FLT3: variants seen among roughly 807,000 people sequenced by gnomAD.
FLT3 encodes the protein receptor-type tyrosine-protein kinase FLT3.
FLT3 carries 46 observed loss-of-function variants against 126.6 expected under a neutral mutation model. The ratio of observed to expected loss-of-function variants is 0.36; its 90% CI spans 0.29 to 0.46. The LOEUF is 0.46. Among genes scored for constraint, FLT3 ranks in the 20% least tolerant of loss-of-function variants. The pLI, the probability that FLT3 is intolerant of heterozygous loss-of-function variation, is 1.00. For synonymous variants in FLT3, 404 were observed against 434.4 expected (o/e 0.93, Z 0.87); for missense variants, 1,069 against 1,190.3 (o/e 0.90, Z 1.50).
At chr13:28,045,616 T>G (rs1422627312) in intron 9 of FLT3, among the ~76,000 whole-genome samples, 1 of 152,068 alleles carries the variant, frequency 6.6e-6, no homozygotes, top group African/African-American at 2.4e-5. Context: ...TCCCAGCACT[T>G]TGGGAGGCTG....
chr13:28,028,830 G>A (rs1296628966), intron 15 of FLT3, among the ~76,000 whole-genome samples: 1 of 136,594 alleles, frequency 7.3e-6, no homozygotes, highest in Non-Finnish European at 1.5e-5. Context: ...CACCCAGGCT[G>A]GAGTGTAGTG....
At chr13:28,081,839 T>C (rs1878335287) in intron 1 of FLT3, among the ~76,000 whole-genome samples, 1 of 145,502 alleles carries the variant, frequency 6.9e-6, no homozygotes, top group African/African-American at 2.5e-5. Flanking sequence ...TTTTTTACTT[T>C]GATTCTTTTT....
rs976218231 is a variant in FLT3 at position 28,027,160 on chromosome 13, C to A, written c.2135G>T (p.Arg712Met). ...YLRSKREKFH[R>M]TWTEIFKEHN... ...TTCCTTGAAAATCTCTGTCCAAGTC[C>A]TGTGAAATTTTTCTCTTTTACTTCT... Residue 712 changes from arginine (R) to methionine (M), a missense_variant, in exon 17 of 24, where the codon AGG becomes ATG. Physicochemically the swap from Arg to Met is moderately conservative, Grantham distance 91. Transcript: ENST00000241453. The A allele has an allele frequency of 6.2e-7, 1 of 1,613,284 alleles. No homozygotes were observed. Among genetic ancestry groups the A allele is most frequent in the Admixed American group, 1.7e-5 (1 of 59,994 alleles).
intron 1 of FLT3, among the ~76,000 whole-genome samples, chr13:28,086,638 G>GTA (rs1385514834): frequency 6.6e-6 from 1 of 151,072 alleles, no homozygotes; most frequent in Non-Finnish European, 1.5e-5. Context: ...GTGTGTGTGT[G>GTA]TGTGTGTGTG....
At chr13:28,036,691 T>C (rs1421359311) in intron 10 of FLT3, among the ~76,000 whole-genome samples, 2 of 152,296 alleles carry the variant, frequency 1.3e-5, no homozygotes, top group South Asian at 2.1e-4. Context: ...CAGAAAGAGA[T>C]ATATGGCCAG....
At chr13:28,007,626 TA>T (rs1331539867) in intron 23 of FLT3, among the ~76,000 whole-genome samples, 1 of 152,210 alleles carries the variant, frequency 6.6e-6, no homozygotes, top group Non-Finnish European at 1.5e-5. Flanking sequence ...ACAATATTAA[TA>T]TACAGTATAG....
Position 28,070,591 on chromosome 13 carries a change from A to C in FLT3, c.65T>G (p.Phe22Cys), listed in dbSNP as rs1334799394. ...CAGATCTTGATTTGTAATAGTCCCA[A>C]ATATCATTGCAGAAAAAACAACTGT... ...PLLVVFSAMI[F>C]GTITNQDLPV... Residue 22 changes from phenylalanine (F) to cysteine (C), a missense_variant, in exon 2 of 24, where the codon TTT becomes TGT. Phe to Cys is a radical substitution (Grantham distance 205). Transcript: ENST00000241453. 1.2e-6 allele frequency: 2 copies of C among 1,602,808 alleles called. No homozygotes were observed. Among genetic ancestry groups the C allele is most frequent in the Non-Finnish European group, 1.7e-6 (2 of 1,171,156 alleles).
chr13:28,034,512 C>A (rs1873656074), intron 12 of FLT3, 105 bp from the exon 13 acceptor site: 3 of 812,840 alleles, frequency 3.7e-6, no homozygotes, highest in Non-Finnish European at 6.1e-6. Flanking sequence ...CAGTAATAAT[C>A]ATTTTCAGTC....
intron 15 of FLT3, among the ~76,000 whole-genome samples, chr13:28,033,236 G>A (rs868817785): frequency 2.3e-5 from 3 of 133,270 alleles, no homozygotes; most frequent in South Asian, 2.1e-4. Context: ...AGGAGGTCGA[G>A]GCTGCAGTGA....
At chr13:28,088,584 C>CCCT (rs1555262825) in intron 1 of FLT3, among the ~76,000 whole-genome samples, 1 of 103,360 alleles carries the variant, frequency 9.7e-6, no homozygotes, top group Non-Finnish European at 1.8e-5. Context: ...CATCCAAAAC[C>CCCT]TTTTTTTTTT....
At chr13:28,052,376 G>A (rs1233333645) in intron 5 of FLT3, among the ~76,000 whole-genome samples, 169 bp downstream of exon 5, 2 of 152,162 alleles carry the variant, frequency 1.3e-5, no homozygotes, top group Non-Finnish European at 2.9e-5. Flanking sequence ...GATTACAGGC[G>A]TGAGCCACTT....
chr13:28,061,530 C>T (rs1052968244), intron 3 of FLT3, among the ~76,000 whole-genome samples: 8 of 152,054 alleles, frequency 5.3e-5, no homozygotes, highest in African/African-American at 1.4e-4. Context: ...CTTTTGAAGG[C>T]TGAGGTGGGT....
At chr13:28,092,945 AGGGT>A (rs1879215707) in intron 1 of FLT3, among the ~76,000 whole-genome samples, 2 of 127,214 alleles carry the variant, frequency 1.6e-5, no homozygotes, top group African/African-American at 6.2e-5. Flanking sequence ...TTTTTGAGAC[AGGGT>A]CTCGCTCTGT....
chr13:28,056,637 C>T (rs892946094), intron 4 of FLT3, among the ~76,000 whole-genome samples: 2 of 152,200 alleles, frequency 1.3e-5, no homozygotes, highest in African/African-American at 4.8e-5. Context: ...ACAGCTGCCT[C>T]CCTTGGTCAG....
intron 1 of FLT3, among the ~76,000 whole-genome samples, chr13:28,086,761 C>A (rs1878703220): frequency 6.6e-6 from 1 of 152,010 alleles, no homozygotes; most frequent in Admixed American, 6.6e-5. Flanking sequence ...ATACTTCTGC[C>A]TCAGCCTCCC....
chr13:28,034,348 G>A lies in FLT3; in HGVS notation c.1657C>T (p.Leu553Phe). Reference sequence around the variant, plus strand: ...AGCAGGGTTAAAACGACAATGAAGAGGAGACAAACACCAATTGTTGCATAG... The same window carrying A: ...AGCAGGGTTAAAACGACAATGAAGAAGAGACAAACACCAATTGTTGCATAG... ...SFYATIGVCLLFIVVLTLLIC... is the reference protein window; with the variant it reads ...SFYATIGVCLFFIVVLTLLIC... Residue 553 changes from leucine (L) to phenylalanine (F), a missense_variant, in exon 13 of 24, where the codon CTC (leucine) becomes TTC (phenylalanine). Leu to Phe is a conservative substitution (Grantham distance 22, BLOSUM62 0). Coordinates refer to ENST00000241453, the MANE Select transcript of FLT3 (RefSeq NM_004119.3). The A allele has an allele frequency of 6.2e-7, 1 of 1,614,086 alleles. No homozygotes were observed. The highest frequency in any genetic ancestry group is 8.5e-7 in the Non-Finnish European group (1 of 1,179,978).
At chr13:28,032,636 G>C (rs980531061) in intron 15 of FLT3, among the ~76,000 whole-genome samples, 1 of 151,998 alleles carries the variant, frequency 6.6e-6, no homozygotes, top group African/African-American at 2.4e-5. Context: ...ACAAAAGCTG[G>C]ATGGAAGAAG....
intron 23 of FLT3, among the ~76,000 whole-genome samples, chr13:28,007,269 CAG>C (rs1870989031): frequency 6.6e-6 from 1 of 152,060 alleles, no homozygotes; most frequent in African/African-American, 2.4e-5. Context: ...TTTTTCAAGA[CAG>C]GGTCTCGCTC....
In FLT3 at chr13:28,021,458, G is replaced by T. The variant is rs575847743; in HGVS notation, c.2418+1892C>A. On this transcript the variant is annotated intron_variant, in intron 19 of 23. Coordinates refer to ENST00000241453, the MANE Select transcript of FLT3 (RefSeq NM_004119.3). ...ATAAGTGAAATAGAGAAAGACTCAG[G>T]TGGGCAAGATGCGCGAGCAAGAAGA... Among the ~76,000 whole-genome samples the T allele has an allele frequency of 9.8e-4, 149 of 152,296 alleles. 2 individuals are homozygous for T. The highest frequency in any genetic ancestry group is 2.8e-3 in the Admixed American group (43 of 15,288).
Sources: allele counts gnomAD v4.1 joint callset (sites outside exome capture counted in the v4.1 genomes callset), GRCh38; gene constraint gnomAD v4.1.1; transcripts MANE v1.5; gene names NCBI Gene and HGNC (gene_info 2026-07-23, HGNC 2026-07-21).